EYS: variants seen among roughly 807,000 people sequenced by gnomAD.
EYS encodes the protein protein eyes shut homolog.
EYS carries 250 observed loss-of-function variants against 282.1 expected under a neutral mutation model. The ratio of observed to expected loss-of-function variants is 0.89; its 90% CI spans 0.80 to 0.98. The LOEUF (loss-of-function observed/expected upper bound fraction) is 0.98, where lower values mean the gene tolerates loss of function less well. EYS is among the 50% of genes least tolerant of loss of function. EYS has a pLI of 0.00. For missense variants in EYS, 4,016 were observed against 3,709.0 expected, an observed-to-expected ratio of 1.08 and a Z score of -2.15; for synonymous variants, 1,355 against 1,282.9, an observed-to-expected ratio of 1.06 and a Z score of -1.20.
chr6:64,682,673 G>C (rs573603417), intron 22 of EYS, among the ~76,000 whole-genome samples: 1 of 152,258 alleles, frequency 6.6e-6, no homozygotes, highest in African/African-American at 2.4e-5. Context: ...CCCACCCTAA[G>C]GGAGTAGTAT....
intron 1 of EYS, among the ~76,000 whole-genome samples, chr6:65,684,850 CTT>C (rs1318449589): frequency 6.6e-6 from 1 of 151,902 alleles, no homozygotes; most frequent in Non-Finnish European, 1.5e-5. Context: ...GTTGTTTTCT[CTT>C]CTTTTGTTTT....
At chr6:65,423,351 A>G in intron 5 of EYS, among the ~76,000 whole-genome samples, 1 of 151,938 alleles carries the variant, frequency 6.6e-6, no homozygotes, top group East Asian at 1.9e-4. Flanking sequence ...GCATAAAATT[A>G]AAAGGCAGGT....
chr6:64,167,971 C>G (rs1282334065), intron 31 of EYS, among the ~76,000 whole-genome samples: 4 of 152,126 alleles, frequency 2.6e-5, no homozygotes, highest in African/African-American at 4.8e-5. Context: ...AATTCAAAAA[C>G]CAGACAATAG....
intron 33 of EYS, among the ~76,000 whole-genome samples, chr6:64,014,415 A>G (rs1218869471): frequency 6.6e-6 from 1 of 152,084 alleles, no homozygotes; most frequent in African/African-American, 2.4e-5. Context: ...GGTTGGTACT[A>G]TTTGCAGTAC....
In EYS at chr6:64,997,661, C is replaced by A; in HGVS notation, c.2180G>T (p.Gly727Val). 1 of 1,551,048 alleles carries A rather than the reference C, an allele frequency of 6.4e-7. No individual in the cohort carries two copies. Among genetic ancestry groups the A allele is most frequent in the East Asian group, 2.4e-5 (1 of 40,854 alleles). ...FSCLCNPGYV[G>V]IRCEQDIDDC... ...ATCAATGTCCTGTTCACATCTTATC[C>A]CAACATAGCCTGGATTGCATAAGCA... Residue 727 changes from glycine (G) to valine (V), a missense_variant, in exon 14 of 43, where the codon GGG (glycine) becomes GTG (valine). Transcript: ENST00000503581.
intron 36 of EYS, among the ~76,000 whole-genome samples, chr6:63,851,488 C>T (rs1772248833): frequency 6.6e-6 from 1 of 152,184 alleles, no homozygotes; most frequent in Admixed American, 6.5e-5. Context: ...GACCACAGTG[C>T]ATTTAAATTA....
chr6:64,804,272 A>G, intron 22 of EYS, among the ~76,000 whole-genome samples: 1 of 152,364 alleles, frequency 6.6e-6, no homozygotes. Flanking sequence ...GTTTAGTATT[A>G]TTAAAGATTA....
At chr6:65,511,571 G>T (rs1019634110) in intron 2 of EYS, among the ~76,000 whole-genome samples, 3 of 152,030 alleles carry the variant, frequency 2.0e-5, no homozygotes, top group Non-Finnish European at 4.4e-5. Context: ...CCTAGATTAG[G>T]TAAATTTTTT....
intron 8 of EYS, among the ~76,000 whole-genome samples, chr6:65,369,204 T>C (rs1765029705): frequency 6.7e-6 from 1 of 148,192 alleles, no homozygotes; most frequent in Non-Finnish European, 1.5e-5. Flanking sequence ...AAAAGCAAAG[T>C]TTGTGACCAA....
intron 5 of EYS, among the ~76,000 whole-genome samples, chr6:65,411,068 C>A (rs1401881683): frequency 3.9e-5 from 6 of 151,916 alleles, no homozygotes; most frequent in Non-Finnish European, 8.8e-5. Flanking sequence ...ACCACCTAAT[C>A]CCATAATAAT....
chr6:65,286,880 T>A (rs181409847), intron 12 of EYS, among the ~76,000 whole-genome samples: 43 of 151,748 alleles, frequency 2.8e-4, no homozygotes, highest in African/African-American at 9.6e-4. Context: ...TATTTGTTCA[T>A]TTGTATGGGT....
intron 5 of EYS, among the ~76,000 whole-genome samples, chr6:65,417,826 G>A (rs188008398): frequency 8.0e-4 from 121 of 151,986 alleles, no homozygotes; most frequent in Middle Eastern, 3.4e-3. Context: ...TACATTATTC[G>A]TCAGAAACTT....
At chr6:65,232,413 A>G (rs146492846) in intron 12 of EYS, among the ~76,000 whole-genome samples, 2 of 148,436 alleles carry the variant, frequency 1.3e-5, no homozygotes, top group African/African-American at 4.9e-5. Context: ...ACTTTCTTAT[A>G]ATTAATCTTT....
intron 19 of EYS, among the ~76,000 whole-genome samples, chr6:64,885,548 C>A (rs933318290): frequency 6.6e-6 from 1 of 151,486 alleles, no homozygotes; most frequent in East Asian, 1.9e-4. Flanking sequence ...ATTGATAGCT[C>A]AATAATTTTG....
intron 26 of EYS, among the ~76,000 whole-genome samples, chr6:64,578,843 T>G (rs1014761000): frequency 4.6e-5 from 7 of 152,118 alleles, no homozygotes; most frequent in Non-Finnish European, 1.5e-5. Context: ...ACTTAGGCGA[T>G]AACACTGTTG....
intron 35 of EYS, among the ~76,000 whole-genome samples, chr6:63,937,434 G>C (rs1032605694): frequency 1.6e-5 from 2 of 122,430 alleles, no homozygotes; most frequent in Non-Finnish European, 3.2e-5. Flanking sequence ...AGGCTGGAGT[G>C]CAGTGGCTCG....
At chr6:65,524,174 A>G (rs1767474166) in intron 2 of EYS, among the ~76,000 whole-genome samples, 1 of 152,172 alleles carries the variant, frequency 6.6e-6, no homozygotes, top group Admixed American at 6.5e-5. Flanking sequence ...ATCTGGCCAG[A>G]AGTCCAATTT....
chr6:63,824,826 A>G (rs1268706158), intron 36 of EYS, among the ~76,000 whole-genome samples: 1 of 151,932 alleles, frequency 6.6e-6, no homozygotes, highest in Non-Finnish European at 1.5e-5. Context: ...TGGCCAGAGG[A>G]ACGGGGGCAA....
At chr6:64,032,859 A>G (rs1769920919) in intron 33 of EYS, among the ~76,000 whole-genome samples, 1 of 152,204 alleles carries the variant, frequency 6.6e-6, no homozygotes, top group South Asian at 2.1e-4. Context: ...TTTGTTCACA[A>G]ATCCAGACAT....
Sources: gnomAD v4.1 joint callset for allele counts (sites outside exome capture counted in the v4.1 genomes callset) on GRCh38, gnomAD v4.1.1 for gene constraint, MANE v1.5 for transcripts, NCBI Gene and HGNC (gene_info 2026-07-23, HGNC 2026-07-21) for gene names.